The following WNT7A variants were observed in gnomAD, a reference collection of about 807,000 sequenced individuals.
WNT7A encodes Wnt family member 7A.
WNT7A carries 16 observed loss-of-function variants against 28.2 expected under a neutral mutation model. The ratio of observed to expected loss-of-function variants is 0.57; its 90% confidence interval spans 0.38 to 0.86. The LOEUF is 0.86. Ranked by LOEUF, WNT7A falls within the 40% of genes least tolerant of loss-of-function variation. The probability of loss-of-function intolerance (pLI) is 0.00; values close to 1 mark genes in which losing one functional copy is unlikely to be tolerated. For missense variants in WNT7A, 411 were observed against 489.7 expected (o/e 0.84, Z 1.52); for synonymous variants, 190 against 195.9 (o/e 0.97, Z 0.25).
chr3:13,865,283 C>T (rs1244754068), intron 2 of WNT7A, among the ~76,000 whole-genome samples: 1 of 152,178 alleles, frequency 6.6e-6, no homozygotes, highest in Non-Finnish European at 1.5e-5. Flanking sequence ...CTGAGTTCCC[C>T]CATTTTATTG....
At chr3:13,868,590 GGGAGA>G (rs1694952448) in intron 2 of WNT7A, among the ~76,000 whole-genome samples, 1 of 11,576 alleles carries the variant, frequency 8.6e-5, no homozygotes, top group Non-Finnish European at 1.5e-4. Context: ...GAGAGAGAGA[GGGAGA>G]AAGAAAGAAA....
intron 2 of WNT7A, among the ~76,000 whole-genome samples, chr3:13,866,660 A>C (rs1694915454): frequency 6.6e-6 from 1 of 152,180 alleles, no homozygotes; most frequent in Non-Finnish European, 1.5e-5. Flanking sequence ...ATCCAGGCAG[A>C]GGGAACAGTG....
chr3:13,829,507 G>A (rs142124586), intron 3 of WNT7A, among the ~76,000 whole-genome samples: 2 of 152,310 alleles, frequency 1.3e-5, no homozygotes, highest in Non-Finnish European at 2.9e-5. Context: ...GTGGATGCTG[G>A]GATGAGTGCG....
chr3:13,833,532 C>G (rs1028449233), intron 3 of WNT7A, among the ~76,000 whole-genome samples: 1 of 152,220 alleles, frequency 6.6e-6, no homozygotes, highest in Non-Finnish European at 1.5e-5. Flanking sequence ...GTGGAATAGT[C>G]GAGCCCCACA....
chr3:13,821,046 C>T (rs1446516300), intron 3 of WNT7A, among the ~76,000 whole-genome samples: 2 of 152,238 alleles, frequency 1.3e-5, no homozygotes, highest in Non-Finnish European at 2.9e-5. Context: ...GTCCCCAAAA[C>T]AACACAGATA....
intron 2 of WNT7A, among the ~76,000 whole-genome samples, chr3:13,874,360 C>G (rs924547191): frequency 2.6e-5 from 4 of 152,200 alleles, no homozygotes; most frequent in African/African-American, 9.7e-5. Flanking sequence ...TGGCTCAAAA[C>G]TCTGTGTGTA....
chr3:13,848,061 A>T, intron 3 of WNT7A, among the ~76,000 whole-genome samples: 1 of 140,044 alleles, frequency 7.1e-6, no homozygotes, highest in Non-Finnish European at 1.5e-5. Context: ...AAATTAATGA[A>T]TTTTTTAAAA....
intron 3 of WNT7A, among the ~76,000 whole-genome samples, chr3:13,827,296 G>A (rs1694210686): frequency 6.6e-6 from 1 of 152,234 alleles, no homozygotes; most frequent in South Asian, 2.1e-4. Flanking sequence ...GGGGACTCCT[G>A]CACCAGGTTG....
chr3:13,866,962 T>A (rs143569219), intron 2 of WNT7A, among the ~76,000 whole-genome samples: 1 of 152,116 alleles, frequency 6.6e-6, no homozygotes, highest in Admixed American at 6.5e-5. Flanking sequence ...ACTGGACAGA[T>A]TGGGGGATAT....
chr3:13,832,862 G>A (rs1483362141), intron 3 of WNT7A, among the ~76,000 whole-genome samples: 2 of 152,006 alleles, frequency 1.3e-5, no homozygotes, highest in African/African-American at 4.8e-5. Flanking sequence ...AGGTTTTCTG[G>A]TCTATACTGG....
intron 2 of WNT7A, among the ~76,000 whole-genome samples, chr3:13,859,304 G>A (rs1694792662): frequency 6.6e-6 from 1 of 152,288 alleles, no homozygotes; most frequent in South Asian, 2.1e-4. Flanking sequence ...AGACAGACCT[G>A]AGTCCTAATT....
chr3:13,860,771 A>G (rs373108204), intron 2 of WNT7A, among the ~76,000 whole-genome samples: 21 of 152,280 alleles, frequency 1.4e-4, no homozygotes, highest in African/African-American at 4.8e-4. Context: ...AAGCCCCTTC[A>G]TTCAGGTGGG....
intron 1 of WNT7A, 85 bp from the exon 2 acceptor site, chr3:13,875,258 C>T: frequency 1.4e-6 from 2 of 1,398,204 alleles, no homozygotes; most frequent in Middle Eastern, 1.8e-4. Context: ...CCAGCACTGG[C>T]CACCCCACTG....
chr3:13,823,452 T>C (rs1694143839), intron 3 of WNT7A, among the ~76,000 whole-genome samples: 1 of 152,036 alleles, frequency 6.6e-6, no homozygotes, highest in Non-Finnish European at 1.5e-5. Context: ...GCCCGAGCAA[T>C]TGTCAGTTGA....
chr3:13,849,668 T>A (rs1413115984), intron 3 of WNT7A, among the ~76,000 whole-genome samples: 3 of 152,034 alleles, frequency 2.0e-5, no homozygotes, highest in Non-Finnish European at 2.9e-5. Context: ...TGGTTTCACA[T>A]GCAAGTAAAG....
intron 2 of WNT7A, among the ~76,000 whole-genome samples, chr3:13,855,032 G>C (rs1171458264): frequency 3.3e-5 from 5 of 152,254 alleles, no homozygotes; most frequent in East Asian, 1.9e-4. Flanking sequence ...CAACTGGGCA[G>C]TAAAGGAGGA....
Position 13,854,424 on chromosome 3 carries a change from G to A in WNT7A, c.570+108C>T, listed in dbSNP as rs1382046459. 3 of 1,572,236 alleles carry A rather than the reference G, an allele frequency of 1.9e-6. No individual in the cohort carries two copies. In the East Asian group the frequency reaches 6.7e-5, roughly 35 times the overall value. On this transcript the variant is annotated intron_variant, in intron 3 of 3. Coordinates refer to ENST00000285018, the MANE Select transcript of WNT7A (RefSeq NM_004625.4). ...CAGCACCAAGCAGAATGAGGCTGAGGGCAGAGCCCTGTGGCTCCTCAACAG... is the reference window on the plus strand; with the variant it reads ...CAGCACCAAGCAGAATGAGGCTGAGAGCAGAGCCCTGTGGCTCCTCAACAG...
intron 3 of WNT7A, among the ~76,000 whole-genome samples, chr3:13,827,327 C>A (rs774760317): frequency 1.3e-5 from 2 of 152,214 alleles, no homozygotes; most frequent in African/African-American, 2.4e-5. Flanking sequence ...CAATCCAGAG[C>A]CTCCTCTGCC....
intron 3 of WNT7A, among the ~76,000 whole-genome samples, chr3:13,835,896 T>A (rs1694359772): frequency 6.6e-6 from 1 of 152,136 alleles, no homozygotes; most frequent in South Asian, 2.1e-4. Context: ...CTTGAAGACT[T>A]TATGCTGAGT....
Sources: gnomAD v4.1 joint callset for allele counts (sites outside exome capture counted in the v4.1 genomes callset) on GRCh38, gnomAD v4.1.1 for gene constraint, MANE v1.5 for transcripts, NCBI Gene and HGNC (gene_info 2026-07-23, HGNC 2026-07-21) for gene names.